The following VAC14 variants were observed in gnomAD, a reference collection of about 807,000 sequenced individuals.
VAC14 encodes the protein VAC14 component of PIKFYVE complex, also known as protein VAC14 homolog.
VAC14 carries 47 observed loss-of-function variants against 85.3 expected under a neutral mutation model. The ratio of observed to expected loss-of-function variants is 0.55; its 90% CI spans 0.44 to 0.70. The LOEUF (loss-of-function observed/expected upper bound fraction) is 0.70. VAC14 is among the 30% of genes least tolerant of loss of function. VAC14 has a pLI of 0.00. For missense variants in VAC14, 861 were observed against 1,004.3 expected (o/e 0.86, Z 1.93); for synonymous variants, 447 against 430.5 (o/e 1.04, Z -0.47).
At chr16:70,760,043 C>A (rs2032199242) in intron 12 of VAC14, among the ~76,000 whole-genome samples, 1 of 152,198 alleles carries the variant, frequency 6.6e-6, no homozygotes, top group Admixed American at 6.5e-5. Context: ...TAGCGCGATT[C>A]CTCCCATGGT....
At chr16:70,767,346 G>A (rs938555957) in intron 10 of VAC14, among the ~76,000 whole-genome samples, 1 of 152,046 alleles carries the variant, frequency 6.6e-6, no homozygotes, top group African/African-American at 2.4e-5. Context: ...CAGAAGAAAG[G>A]TAAATCTAAA....
chr16:70,691,382 T>C, intron 18 of VAC14: 1 of 985,456 alleles, frequency 1.0e-6, no homozygotes, highest in Non-Finnish European at 1.2e-6. Flanking sequence ...CCTGGGTGCC[T>C]GCCAGGTTGA....
intron 14 of VAC14, among the ~76,000 whole-genome samples, chr16:70,701,017 C>G (rs2053815546): frequency 6.6e-6 from 1 of 152,130 alleles, no homozygotes; most frequent in Admixed American, 6.5e-5. Flanking sequence ...AAGCGGGCAC[C>G]CAGACCTCCT....
chr16:70,721,037 G>A (rs2054278368), intron 14 of VAC14, among the ~76,000 whole-genome samples: 1 of 152,178 alleles, frequency 6.6e-6, no homozygotes, highest in African/African-American at 2.4e-5. Flanking sequence ...ATAAGCCAGG[G>A]GAAAAACACA....
intron 12 of VAC14, chr16:70,755,230 G>A (rs1386178382): frequency 5.9e-6 from 2 of 341,568 alleles, no homozygotes; most frequent in African/African-American, 2.2e-5. Context: ...GAGCCCTGGA[G>A]GGGGGCTAGG....
At chr16:70,761,018 T>TGTGTGTGTGTGTGTGCGCGC in intron 12 of VAC14, 1 of 267,814 alleles carries the variant, frequency 3.7e-6, no homozygotes, top group African/African-American at 4.3e-5. Context: ...TGTGTGTGTG[T>TGTGTGTGTGTGTGTGCGCGC]GCATGGGGGG....
intron 1 of VAC14, among the ~76,000 whole-genome samples, chr16:70,789,471 T>TA (rs1309378369): frequency 6.6e-6 from 1 of 152,198 alleles, no homozygotes; most frequent in Non-Finnish European, 1.5e-5. Flanking sequence ...AGAATGGGGT[T>TA]AAAGGGAGGT....
intron 12 of VAC14, 65 bp from the exon 13 acceptor site, chr16:70,744,644 G>A (rs1429994963): frequency 6.7e-7 from 1 of 1,502,920 alleles, no homozygotes; most frequent in East Asian, 2.4e-5. Context: ...CCTGGGCAGA[G>A]GTGCGGTTGG....
At chr16:70,691,107 A>T (rs552541373) in intron 18 of VAC14, 1 of 985,470 alleles carries the variant, frequency 1.0e-6, no homozygotes, top group African/African-American at 1.7e-5. Context: ...TCCCTGACTG[A>T]CCGTGGGAGA....
chr16:70,730,002 C>T (rs189534764), intron 14 of VAC14, among the ~76,000 whole-genome samples: 26 of 152,090 alleles, frequency 1.7e-4, no homozygotes, highest in African/African-American at 3.9e-4. Flanking sequence ...GCCACTCTTC[C>T]GGGGCTCCCA....
At chr16:70,754,907 T>C (rs115063070) in intron 12 of VAC14, among the ~76,000 whole-genome samples, 2,884 of 152,286 alleles carry the variant, frequency 0.019, 90 homozygotes, top group African/African-American at 0.064. Context: ...ACTGTTCTTA[T>C]GGAAGACTGT....
chr16:70,776,807 A>T (rs2033542507), intron 9 of VAC14, among the ~76,000 whole-genome samples: 1 of 150,048 alleles, frequency 6.7e-6, no homozygotes, highest in Non-Finnish European at 1.5e-5. Context: ...TGTTTAAAAA[A>T]TTCTACCAGG....
At chr16:70,766,791 G>T (rs934298383) in intron 10 of VAC14, among the ~76,000 whole-genome samples, 9 of 152,200 alleles carry the variant, frequency 5.9e-5, no homozygotes, top group African/African-American at 2.2e-4. Flanking sequence ...GATCCCAGCT[G>T]CTGTCGGCTC....
At chr16:70,708,125 AC>A (rs2053957482) in intron 14 of VAC14, among the ~76,000 whole-genome samples, 1 of 151,572 alleles carries the variant, frequency 6.6e-6, no homozygotes, top group Non-Finnish European at 1.5e-5. Flanking sequence ...CAGTCTGACC[AC>A]CCCGTCCCCT....
At chr16:70,741,431 T>C (rs1294431359) in intron 13 of VAC14, among the ~76,000 whole-genome samples, 1 of 152,260 alleles carries the variant, frequency 6.6e-6, no homozygotes, top group Non-Finnish European at 1.5e-5. Flanking sequence ...CTCCCCTGGC[T>C]GTTCTCTTAC....
chr16:70,786,018 C>G, intron 2 of VAC14, 149 bp from the exon 3 acceptor site: 2 of 1,325,202 alleles, frequency 1.5e-6, no homozygotes, highest in Non-Finnish European at 2.0e-6. Context: ...AAGCCTCATT[C>G]CCAGGAGAGG....
At chr16:70,712,048 G>A (rs1040867760) in intron 14 of VAC14, among the ~76,000 whole-genome samples, 1 of 152,166 alleles carries the variant, frequency 6.6e-6, no homozygotes, top group African/African-American at 2.4e-5. Flanking sequence ...CCAAATGGAA[G>A]GGGAGGGGTT....
chr16:70,724,638 G>A (rs2054376957), intron 14 of VAC14, among the ~76,000 whole-genome samples: 1 of 152,152 alleles, frequency 6.6e-6, no homozygotes, highest in Admixed American at 6.5e-5. Context: ...TGTGTAAAGC[G>A]GCTCCTGCTG....
chr16:70,771,806 C>T (rs1228469329), intron 10 of VAC14: 1 of 301,862 alleles, frequency 3.3e-6, no homozygotes, highest in Admixed American at 4.8e-5. Flanking sequence ...GTCTTAAACT[C>T]CTGAGCTCAA....
Sources: allele counts gnomAD v4.1 joint callset (sites outside exome capture counted in the v4.1 genomes callset), GRCh38; gene constraint gnomAD v4.1.1; transcripts MANE v1.5; gene names NCBI Gene and HGNC (gene_info 2026-07-23, HGNC 2026-07-21).